Variants in SIL1 observed in about 807,000 individuals in gnomAD.
The protein encoded by SIL1 is SIL1 nucleotide exchange factor, also known as nucleotide exchange factor SIL1.
Under a neutral mutation model 49.1 loss-of-function variants are expected in SIL1, and 40 were observed. The observed-to-expected ratio is 0.81, with a 90% CI of 0.63 to 1.06. The LOEUF is 1.06. Among genes scored for constraint, SIL1 ranks in the 50% least tolerant of loss-of-function variants. The pLI is 0.00. For synonymous variants in SIL1, 253 were observed against 250.8 expected (o/e 1.01, Z -0.08); for missense variants, 500 against 572.6 (o/e 0.87, Z 1.29).
At chr5:139,169,240 A>C (rs1017867916) in intron 1 of SIL1, among the ~76,000 whole-genome samples, 1 of 152,198 alleles carries the variant, frequency 6.6e-6, no homozygotes, top group Non-Finnish European at 1.5e-5. Flanking sequence ...GTGCAGGCTC[A>C]AAAGAGACCT....
rs191903620 is a variant in SIL1, at chr5:139,079,861, C to G, written c.245-28815G>C. ...ATTAGCAAATATGCACTGGCTACAC[C>G]AACATTTTACAATGACTTTTTTCTT... On this transcript the variant is annotated intron_variant, in intron 3 of 9. Coordinates refer to ENST00000394817, the MANE Select transcript of SIL1 (RefSeq NM_022464.5). Among the ~76,000 whole-genome samples the G allele has an allele frequency of 4.5e-3, 681 of 152,260 alleles. 4 individuals are homozygous for G. The highest frequency in any genetic ancestry group is 8.2e-3 in the Non-Finnish European group (557 of 68,026).
chr5:139,167,973 G>A (rs192075852), intron 1 of SIL1, among the ~76,000 whole-genome samples: 4 of 152,232 alleles, frequency 2.6e-5, no homozygotes, highest in African/African-American at 4.8e-5. Context: ...TGTGACACCC[G>A]TGTGCAGCTA....
chr5:139,174,717 C>A (rs1751842477), intron 1 of SIL1, among the ~76,000 whole-genome samples: 1 of 151,894 alleles, frequency 6.6e-6, no homozygotes, highest in Non-Finnish European at 1.5e-5. Flanking sequence ...GCAGGCAGAT[C>A]ACCTGAGGTC....
intron 1 of SIL1, among the ~76,000 whole-genome samples, chr5:139,186,734 T>TG (rs1752082731): frequency 6.6e-6 from 1 of 152,214 alleles, no homozygotes; most frequent in African/African-American, 2.4e-5. Context: ...GCAGGACTCT[T>TG]GAATTCATAA....
At chr5:139,181,146 A>C (rs1186354671) in intron 1 of SIL1, among the ~76,000 whole-genome samples, 1 of 152,196 alleles carries the variant, frequency 6.6e-6, no homozygotes, top group African/African-American at 2.4e-5. Context: ...TAAACAGTAC[A>C]TAAGCAATAA....
chr5:139,195,221 C>T (rs1752243960), intron 1 of SIL1, among the ~76,000 whole-genome samples: 1 of 152,186 alleles, frequency 6.6e-6, no homozygotes, highest in South Asian at 2.1e-4. Context: ...TGTGAGCCAC[C>T]GCACCCGGCC....
At chr5:139,022,524 G>C (rs1001357120) in intron 6 of SIL1, 1 of 152,212 alleles carries the variant, frequency 6.6e-6, no homozygotes, top group Non-Finnish European at 1.5e-5. Context: ...ATATGGTTAG[G>C]TGTTCAATGA....
At chr5:139,058,287 G>A (rs1049840476) in intron 3 of SIL1, among the ~76,000 whole-genome samples, 16 of 151,984 alleles carry the variant, frequency 1.1e-4, no homozygotes, top group Non-Finnish European at 1.2e-4. Flanking sequence ...ACCACTCGTG[G>A]TCTGGAGTTA....
intron 1 of SIL1, among the ~76,000 whole-genome samples, chr5:139,141,347 A>G (rs1269710348): frequency 1.3e-5 from 2 of 152,160 alleles, no homozygotes; most frequent in Non-Finnish European, 2.9e-5. Context: ...CTGTGGTAAT[A>G]CATAAAAACA....
chr5:139,038,815 C>T (rs543436753), intron 5 of SIL1, among the ~76,000 whole-genome samples: 4 of 152,308 alleles, frequency 2.6e-5, no homozygotes, highest in African/African-American at 7.2e-5. Context: ...CCACTGGCCC[C>T]GCCCCAGAGA....
At chr5:139,140,748 T>A (rs1370260325) in intron 1 of SIL1, among the ~76,000 whole-genome samples, 1 of 152,150 alleles carries the variant, frequency 6.6e-6, no homozygotes, top group African/African-American at 2.4e-5. Context: ...AACTCAGTAC[T>A]TGGCAGGACA....
At chr5:139,138,224 C>A (rs1444590183) in intron 1 of SIL1, among the ~76,000 whole-genome samples, 1 of 152,166 alleles carries the variant, frequency 6.6e-6, no homozygotes, top group Non-Finnish European at 1.5e-5. Flanking sequence ...GAACTTGACA[C>A]CTCGCCCCTC....
intron 3 of SIL1, among the ~76,000 whole-genome samples, chr5:139,069,094 C>G (rs142225407): frequency 6.6e-6 from 1 of 152,020 alleles, no homozygotes; most frequent in African/African-American, 2.4e-5. Flanking sequence ...TCAGGATCAG[C>G]CCAGGTAACA....
chr5:139,113,502 T>G (rs1258620397), intron 3 of SIL1, among the ~76,000 whole-genome samples: 1 of 151,126 alleles, frequency 6.6e-6, no homozygotes, highest in African/African-American at 2.4e-5. Context: ...ATACTCTCAC[T>G]TCAGGTCTCT....
chr5:138,964,757 T>TTAAA (rs767415175), intron 7 of SIL1, among the ~76,000 whole-genome samples: 10 of 152,254 alleles, frequency 6.6e-5, no homozygotes, highest in Non-Finnish European at 1.2e-4. Flanking sequence ...TTAGTGCTCG[T>TTAAA]TAAAGCCTGT....
At chr5:139,079,351 TA>T (rs1462082909) in intron 3 of SIL1, among the ~76,000 whole-genome samples, 9 of 152,214 alleles carry the variant, frequency 5.9e-5, no homozygotes, top group African/African-American at 2.2e-4. Context: ...AGTAGTCAGC[TA>T]GGACACCAGG....
chr5:139,130,997 G>A (rs76473279), intron 1 of SIL1, among the ~76,000 whole-genome samples: 1,536 of 152,212 alleles, frequency 0.01, 31 homozygotes, highest in African/African-American at 0.035. Flanking sequence ...CTCCTTAATA[G>A]GTAAAGAGTT....
intron 7 of SIL1, among the ~76,000 whole-genome samples, chr5:138,967,730 T>C (rs754091970): frequency 1.4e-4 from 21 of 152,162 alleles, no homozygotes; most frequent in Admixed American, 2.6e-4. Flanking sequence ...CAATGCCACA[T>C]GGGCCTCAGT....
chr5:139,083,481 T>C (rs1388106893), intron 3 of SIL1, among the ~76,000 whole-genome samples: 2 of 130,462 alleles, frequency 1.5e-5, no homozygotes, highest in Admixed American at 7.9e-5. Context: ...ATGTCTTCTT[T>C]TGAGAAGTGT....
Sources: gnomAD v4.1 joint callset for allele counts (sites outside exome capture counted in the v4.1 genomes callset) on GRCh38, gnomAD v4.1.1 for gene constraint, MANE v1.5 for transcripts, NCBI Gene and HGNC (gene_info 2026-07-23, HGNC 2026-07-21) for gene names.